Variants in FBXO40 observed in about 807,000 individuals in gnomAD.
FBXO40 encodes F-box protein 40.
Under a neutral mutation model 49.9 loss-of-function variants are expected in FBXO40, and 50 were observed. That is an observed-to-expected ratio of 1.00 (90% CI 0.80 to 1.27). The LOEUF is 1.27. Among genes scored for constraint, FBXO40 ranks in the 50% most tolerant of loss-of-function variants. The pLI is 0.00. For missense variants in FBXO40, 895 were observed against 870.1 expected (o/e 1.03, Z -0.36); for synonymous variants, 340 against 320.2 (o/e 1.06, Z -0.66).
At chr3:121,626,574 TA>T in intron 3 of FBXO40, 120 bp from the exon 4 acceptor site, 1 of 885,692 alleles carries the variant, frequency 1.1e-6, no homozygotes, top group Non-Finnish European at 1.8e-6. Context: ...CAGGAGCCAC[TA>T]AACACTCTGG....
intron 1 of FBXO40, among the ~76,000 whole-genome samples, chr3:121,613,940 C>T (rs2048982360): frequency 2.0e-5 from 3 of 151,884 alleles, no homozygotes; most frequent in African/African-American, 7.3e-5. Flanking sequence ...CGAGACCAGC[C>T]TGGCCAACAT....
intron 1 of FBXO40, among the ~76,000 whole-genome samples, chr3:121,594,762 G>A (rs77453723): frequency 1.3e-5 from 2 of 152,176 alleles, no homozygotes; most frequent in African/African-American, 4.8e-5. Flanking sequence ...TGAAATATAA[G>A]TGAAATATTT....
rs2049039259 is a variant in FBXO40 at position 121,622,565 on chromosome 3, A to G, written c.1136A>G (p.Asp379Gly). Residue 379 changes from aspartate (D) to glycine (G), a missense_variant, in exon 3 of 4, where the codon GAT (aspartate) becomes GGT (glycine). Transcript: ENST00000338040. The part of the protein sequence containing the change: ...SCKPSEHKAV[D>G]TSDLGITVED... ...AAGCCAAGTGAACACAAGGCAGTGG[A>G]TACTTCAGATTTGGGGATCACTGTG... The G allele has an allele frequency of 6.2e-7, 1 of 1,614,192 alleles. No individual in the cohort carries two copies. Among genetic ancestry groups the G allele is most frequent in the Admixed American group, 1.7e-5 (1 of 60,020 alleles).
At chr3:121,595,633 C>T (rs2048867747) in intron 1 of FBXO40, among the ~76,000 whole-genome samples, 1 of 152,114 alleles carries the variant, frequency 6.6e-6, no homozygotes, top group African/African-American at 2.4e-5. Flanking sequence ...GGAATCGCAG[C>T]GTCGAAGCCA....
At position 121,622,621 on chromosome 3, in the gene FBXO40, A is replaced by C; in HGVS notation, c.1192A>C (p.Thr398Pro). 6.2e-7 allele frequency: 1 copy of C among 1,614,212 alleles called. No homozygotes were observed. Reference protein sequence around the residue: ...EDLPKSDLIKTTLQCALEREL... With the variant: ...EDLPKSDLIKPTLQCALEREL... ...CCTGCCCAAATCAGATCTCATCAAG[A>C]CCACCCTCCAGTGTGCTTTGGAAAG... Residue 398 changes from threonine to proline, a missense_variant, in exon 3 of 4, where the codon ACC (threonine) becomes CCC (proline). Thr to Pro is a conservative substitution (Grantham distance 38, BLOSUM62 -1). Transcript: ENST00000338040.
chr3:121,617,500 C>G (rs964358768), intron 1 of FBXO40, among the ~76,000 whole-genome samples: 2 of 152,084 alleles, frequency 1.3e-5, no homozygotes, highest in African/African-American at 4.8e-5. Context: ...GAGGCTGAGG[C>G]AGGAGAATCG....
intron 1 of FBXO40, among the ~76,000 whole-genome samples, chr3:121,617,520 A>G (rs6438641): frequency 0.87 from 131,497 of 151,998 alleles, 57,254 homozygotes; most frequent in African/African-American, 0.95. Context: ...GCTTGAACCT[A>G]GGAGGCGGAG....
intron 1 of FBXO40, among the ~76,000 whole-genome samples, chr3:121,615,988 G>A (rs1028501476): frequency 2.6e-5 from 4 of 152,022 alleles, no homozygotes; most frequent in Admixed American, 2.0e-4. Context: ...CTTCTCTAAG[G>A]CCCCACAGCC....
intron 1 of FBXO40, among the ~76,000 whole-genome samples, chr3:121,615,848 C>T (rs1464269077): frequency 6.6e-6 from 1 of 152,154 alleles, no homozygotes; most frequent in East Asian, 1.9e-4. Context: ...ATGTGGCTAT[C>T]TTCAGACCAT....
At chr3:121,599,517 AAATGGCAC>A (rs2048890036) in intron 1 of FBXO40, among the ~76,000 whole-genome samples, 1 of 151,114 alleles carries the variant, frequency 6.6e-6, no homozygotes, top group Non-Finnish European at 1.5e-5. Flanking sequence ...ATTAAAAGGG[AAATGGCAC>A]CTGGATAGCC....
At position 121,629,485 on chromosome 3, in the gene FBXO40, G is replaced by A. The variant is rs2049081157; in HGVS notation, c.*2575G>A. 1 of 152,192 alleles carries A rather than the reference G, an allele frequency of 6.6e-6. No individual in the cohort carries two copies. Among genetic ancestry groups the A allele is most frequent in the Non-Finnish European group, 1.5e-5 (1 of 68,030 alleles). 9.4% of individuals were successfully genotyped at this position (152,192 alleles called of 1,614,324 possible). A position where few individuals can be genotyped will look rare whatever the true frequency, so the allele number is the denominator to read the frequency against. ...TGGGTTTGTGATTTTAATAGAAATA[G>A]AAAGGGAAACTATAGACCAATGGAG... On this transcript the variant is annotated 3_prime_UTR_variant, in exon 4 of 4. Transcript: ENST00000338040.
intron 1 of FBXO40, among the ~76,000 whole-genome samples, chr3:121,616,707 G>T (rs754121266): frequency 6.6e-6 from 1 of 152,188 alleles, no homozygotes; most frequent in African/African-American, 2.4e-5. Context: ...ACAAATGTTT[G>T]TTGAGTGGGT....
At position 121,621,639 on chromosome 3, in the gene FBXO40, TG is replaced by T; in HGVS notation, c.212del (p.Gly71AlafsTer46). 1.2e-6 allele frequency: 2 copies of T among 1,614,198 alleles called. No individual in the cohort carries two copies. ...AGGTTCCGTGCCTCAACTCCGAATA[TG>T]GCTGCCCTCTGTCCATGTCCCGCCA... is the stretch of plus-strand genomic sequence containing the variant. ...EQVPCLNSEY[G>X]CPLSMSRHKL... On this transcript the variant is annotated frameshift_variant, in exon 3 of 4. Transcript: ENST00000338040. LOFTEE classifies it high-confidence loss of function.
intron 2 of FBXO40, 80 bp downstream of exon 2, chr3:121,620,658 A>G: frequency 1.3e-6 from 2 of 1,556,718 alleles, no homozygotes; most frequent in Non-Finnish European, 1.8e-6. Context: ...CCAAGCAGCT[A>G]GCAGACTTGC....
rs1048821676 is a variant in FBXO40 at position 121,619,109 on chromosome 3, C to T, written c.-30-1437C>T. On this transcript the variant is annotated intron_variant, in intron 1 of 3. Transcript: ENST00000338040. ...CTCTCAGGCTCAAGCGATCCTCCCA[C>T]GTCAGTGTCACTCTCAAGTAGCTGG... is the stretch of plus-strand genomic sequence containing the variant. 2.0e-5 allele frequency among the ~76,000 whole-genome samples: 3 copies of T among 151,916 alleles called. No individual in the cohort carries two copies. The South Asian group carries it at 6.2e-4, about 32-fold the overall frequency.
chr3:121,625,680 A>G (rs750524660), intron 3 of FBXO40, among the ~76,000 whole-genome samples: 74 of 152,366 alleles, frequency 4.9e-4, no homozygotes, highest in Admixed American at 1.2e-3. Flanking sequence ...CCCCAATTCA[A>G]TGATGACTGA....
chr3:121,604,043 G>A (rs1450610236), intron 1 of FBXO40, among the ~76,000 whole-genome samples: 3 of 152,214 alleles, frequency 2.0e-5, no homozygotes, highest in Non-Finnish European at 2.9e-5. Flanking sequence ...CAAGCCAGAG[G>A]CCTGGTAAAT....
In FBXO40 at chr3:121,621,791, G is replaced by T. The variant is rs1007346895; in HGVS notation, c.362G>T (p.Ser121Ile). 4 of 1,614,232 alleles carry T rather than the reference G, an allele frequency of 2.5e-6. No homozygotes were observed. Among genetic ancestry groups the T allele is most frequent in the Non-Finnish European group, 3.4e-6 (4 of 1,180,038 alleles). ...GAAAACATCATGAAAGAGACCCCCA[G>T]TGAGGAGTGTTTGGACACAGCCCTG... ...LHENIMKETP[S>I]EECLDTALAL... Residue 121 changes from serine (S) to isoleucine (I), a missense_variant, in exon 3 of 4, where the codon AGT becomes ATT. Ser to Ile is a moderately radical substitution (Grantham distance 142, BLOSUM62 -2). Coordinates refer to ENST00000338040, the MANE Select transcript of FBXO40 (RefSeq NM_016298.4).
chr3:121,621,639 T>C lies in FBXO40; in HGVS notation c.210T>C (p.Tyr70=). Residue 70 remains tyrosine, a synonymous_variant, in exon 3 of 4, where the codon TAT becomes TAC. Coordinates refer to ENST00000338040, the MANE Select transcript of FBXO40 (RefSeq NM_016298.4). ...AGGTTCCGTGCCTCAACTCCGAATA[T>C]GGCTGCCCTCTGTCCATGTCCCGCC... ...LEQVPCLNSE[Y]GCPLSMSRHK... 1.2e-6 allele frequency: 2 copies of C among 1,614,198 alleles called. No individual in the cohort carries two copies. The highest frequency in any genetic ancestry group is 1.7e-6 in the Non-Finnish European group (2 of 1,180,030).
Sources: allele counts gnomAD v4.1 joint callset (sites outside exome capture counted in the v4.1 genomes callset), GRCh38; gene constraint gnomAD v4.1.1; transcripts MANE v1.5; gene names NCBI Gene and HGNC (gene_info 2026-07-23, HGNC 2026-07-21).